Variants in RRP1 observed in about 807,000 individuals in gnomAD.
RRP1 encodes the protein ribosomal RNA processing protein 1 homolog A.
Under a neutral mutation model 54.6 loss-of-function variants are expected in RRP1, and 37 were observed. The ratio of observed to expected loss-of-function variants is 0.68; its 90% CI spans 0.52 to 0.89. The LOEUF is 0.89. Among genes scored for constraint, RRP1 ranks in the 40% least tolerant of loss-of-function variants. RRP1 has a pLI of 0.00. For missense variants in RRP1, 639 were observed against 612.5 expected (o/e 1.04, Z -0.46); for synonymous variants, 262 against 244.3 (o/e 1.07, Z -0.67).
intron 2 of RRP1, 100 bp from the exon 3 acceptor site, chr21:43,792,572 T>G (rs774162596): frequency 2.6e-5 from 28 of 1,082,436 alleles, no homozygotes; most frequent in Non-Finnish European, 7.0e-6. Flanking sequence ...CTCTCTGTGA[T>G]GAGTGAGTGA....
chr21:43,802,564 C>T lies in RRP1; in HGVS notation c.1123+177C>T, dbSNP rs947939220. 5.1e-6 allele frequency: 3 copies of T among 583,730 alleles called. No homozygotes were observed. In the Admixed American group the frequency reaches 8.0e-5, roughly 16 times the overall value. 36.2% of individuals were successfully genotyped at this position (583,730 alleles called of 1,614,324 possible). A position where few individuals can be genotyped will look rare whatever the true frequency, so the allele number is the denominator to read the frequency against. The stretch of plus-strand genomic sequence containing the variant: ...CTGTCCTCGGCATCCCTCCTGTAGG[C>T]CTCTCCCTGCCTCCCCCACCCACCT... On this transcript the variant is annotated intron_variant, in intron 12 of 12. Coordinates refer to ENST00000497547, the MANE Select transcript of RRP1 (RefSeq NM_003683.6).
intron 11 of RRP1, 115 bp downstream of exon 11, chr21:43,800,996 C>T: frequency 8.7e-7 from 1 of 1,155,024 alleles, no homozygotes; most frequent in Non-Finnish European, 1.3e-6. Flanking sequence ...TGCAGAGAGG[C>T]CTGGTGGTGT....
At chr21:43,794,280 C>T (rs890478537) in intron 4 of RRP1, among the ~76,000 whole-genome samples, 14 of 152,192 alleles carry the variant, frequency 9.2e-5, no homozygotes, top group African/African-American at 3.4e-4. Context: ...AGACAGAGTG[C>T]AGACTCTTAG....
intron 11 of RRP1, among the ~76,000 whole-genome samples, chr21:43,801,538 G>A (rs1383472324): frequency 6.6e-6 from 1 of 152,214 alleles, no homozygotes; most frequent in Non-Finnish European, 1.5e-5. Flanking sequence ...GCAGTGGTGT[G>A]ATGCAGCTCA....
intron 1 of RRP1, 129 bp from the exon 2 acceptor site, chr21:43,791,221 C>T: frequency 1.1e-6 from 1 of 917,792 alleles, no homozygotes. Flanking sequence ...GGGCCAGATT[C>T]TGCCCCCCAG....
intron 12 of RRP1, 26 bp downstream of exon 12, chr21:43,802,413 T>C: frequency 6.3e-7 from 1 of 1,591,580 alleles, no homozygotes; most frequent in East Asian, 2.2e-5. Context: ...GTGTTAGTCA[T>C]GGAGCCGGCG....
rs191799678 is a variant in RRP1, at chr21:43,803,836, G to C, written c.*62G>C. ...GGCCTCGCTTGCACCGCGGGACGAG[G>C]CTGACCGGGCTGTTCTGTAGACTCA... On this transcript the variant is annotated 3_prime_UTR_variant, in exon 13 of 13. Transcript: ENST00000497547. 8,388 of 1,480,424 alleles carry C rather than the reference G, an allele frequency of 5.7e-3. 34 individuals carry two copies. Among genetic ancestry groups the C allele is most frequent in the Non-Finnish European group, 6.7e-3 (7,462 of 1,108,738 alleles). 91.7% of individuals were successfully genotyped at this position (1,480,424 alleles called of 1,614,324 possible).
Position 43,803,682 on chromosome 21 carries a change from C to T in RRP1, c.1294C>T (p.Gln432Ter). 6.4e-7 allele frequency: 1 copy of T among 1,552,978 alleles called. No homozygotes were observed. Among genetic ancestry groups the T allele is most frequent in the Admixed American group, 2.0e-5 (1 of 51,214 alleles). The change falls in exon 13 of 13, where the codon CAG becomes TAG. Residue 432 changes from glutamine (Q) to a stop codon, truncating the protein, a stop_gained. Coordinates refer to ENST00000497547, the MANE Select transcript of RRP1 (RefSeq NM_003683.6). LOFTEE classifies it low-confidence loss of function (END_TRUNC). ...GGGCCGTGGCCAGAGAGGGGCTCGC[C>T]AGAGAAGGAGGACACCTCGGCCCCT... ...PRGRGQRGAR[Q>*]RRRTPRPLTS...
intron 9 of RRP1, among the ~76,000 whole-genome samples, chr21:43,800,225 C>CA (rs1254032443): frequency 6.6e-6 from 1 of 152,268 alleles, no homozygotes; most frequent in African/African-American, 2.4e-5. Context: ...GGTAAAGCTG[C>CA]AGGCAGGCTA....
intron 1 of RRP1, chr21:43,790,724 A>G (rs981662336): frequency 3.7e-6 from 1 of 269,104 alleles, no homozygotes; most frequent in African/African-American, 2.3e-5. Flanking sequence ...AATAGCTGGG[A>G]CTACTGGCAC....
chr21:43,801,835 C>A (rs1352320594), intron 11 of RRP1, among the ~76,000 whole-genome samples: 2 of 152,196 alleles, frequency 1.3e-5, no homozygotes, highest in Non-Finnish European at 2.9e-5. Context: ...CGTCTCTAAT[C>A]TGAAACCCCA....
intron 2 of RRP1, among the ~76,000 whole-genome samples, chr21:43,792,397 C>T (rs1158745808): frequency 6.6e-6 from 1 of 152,210 alleles, no homozygotes; most frequent in East Asian, 1.9e-4. Flanking sequence ...CAGCCTCTGT[C>T]AAGAGGGCAG....
intron 5 of RRP1, 46 bp downstream of exon 5, chr21:43,795,296 A>C (rs1338789781): frequency 6.3e-7 from 1 of 1,575,528 alleles, no homozygotes; most frequent in African/African-American, 1.3e-5. Context: ...GTTCTCGGGG[A>C]CCGCAGTCGT....
At chr21:43,799,461 T>A in intron 8 of RRP1, 109 bp from the exon 9 acceptor site, 1 of 1,162,192 alleles carries the variant, frequency 8.6e-7, no homozygotes, top group Non-Finnish European at 1.3e-6. Context: ...GTTTCCCGCC[T>A]GTGCCCGTGC....
At position 43,798,033 on chromosome 21, in the gene RRP1, T is replaced by A. The variant is rs567553240; in HGVS notation, c.744T>A (p.Asp248Glu). The change falls in exon 8 of 13, where the codon GAT becomes GAA. Residue 248 changes from aspartate (D) to glutamate (E), a missense_variant. Asp to Glu is a conservative substitution (Grantham distance 45). Transcript: ENST00000497547. Reference protein sequence around the residue: ...TQDEEVASDSDESSEGGERGD... With the variant: ...TQDEEVASDSEESSEGGERGD... Reference sequence around the variant, plus strand: ...ATGAGGAGGTGGCGTCGGACAGTGATGAGTCCTCTGAGGGTGGTGAGCGTG... The same window carrying A: ...ATGAGGAGGTGGCGTCGGACAGTGAAGAGTCCTCTGAGGGTGGTGAGCGTG... 5 of 1,614,156 alleles carry A rather than the reference T, an allele frequency of 3.1e-6. No individual in the cohort carries two copies. In the East Asian group the frequency reaches 1.1e-4, roughly 36 times the overall value.
rs1355697988 is a variant in RRP1, at chr21:43,803,953, T to C, written c.*179T>C. ...CATTAGGGGCCAGCATCCCAGGAAC[T>C]GGACCTTTCCCCAGAGCCTCCGCCT... On this transcript the variant is annotated 3_prime_UTR_variant, in exon 13 of 13. Coordinates refer to ENST00000497547, the MANE Select transcript of RRP1 (RefSeq NM_003683.6). The C allele has an allele frequency of 2.6e-6, 2 of 757,526 alleles. No individual in the cohort carries two copies. Among genetic ancestry groups the C allele is most frequent in the Non-Finnish European group, 4.0e-6 (2 of 494,656 alleles). The allele number at this position is 757,526 out of a possible 1,614,324, so 46.9% of individuals were successfully genotyped here.
intron 9 of RRP1, among the ~76,000 whole-genome samples, chr21:43,799,884 A>C (rs979806357): frequency 2.7e-5 from 4 of 146,068 alleles, no homozygotes; most frequent in Non-Finnish European, 4.5e-5. Context: ...GGGGCCTGGG[A>C]GGGTGGGCTC....
chr21:43,793,047 C>T, intron 3 of RRP1: 1 of 548,442 alleles, frequency 1.8e-6, no homozygotes, highest in East Asian at 3.1e-5. Context: ...TCCTGAGGTT[C>T]CTGCAGTTGA....
chr21:43,797,596 A>T, intron 6 of RRP1, 35 bp from the exon 7 acceptor site: 1 of 1,614,000 alleles, frequency 6.2e-7, no homozygotes, highest in East Asian at 2.2e-5. Flanking sequence ...GCGTTTGTGG[A>T]GGAGGAACTG....
Sources: gnomAD v4.1 joint callset for allele counts (sites outside exome capture counted in the v4.1 genomes callset) on GRCh38, gnomAD v4.1.1 for gene constraint, MANE v1.5 for transcripts, NCBI Gene and HGNC (gene_info 2026-07-23, HGNC 2026-07-21) for gene names.